Variants in DOCK2 observed in about 807,000 individuals in gnomAD.
DOCK2 encodes dedicator of cytokinesis protein 2.
DOCK2 carries 87 observed loss-of-function variants against 248.9 expected under a neutral mutation model. That is an observed-to-expected ratio of 0.35 (90% CI 0.29 to 0.42). The LOEUF is 0.42. Ranked by LOEUF, DOCK2 falls within the 10% of genes least tolerant of loss-of-function variation. The probability of loss-of-function intolerance (pLI) is 1.00; values close to 1 mark genes in which losing one functional copy is unlikely to be tolerated. For missense variants in DOCK2, 1,747 were observed against 2,300.2 expected, an observed-to-expected ratio of 0.76 and a Z score of 4.92; for synonymous variants, 805 against 821.6, an observed-to-expected ratio of 0.98 and a Z score of 0.35.
Position 169,864,087 on chromosome 5 carries a change from C to T in DOCK2, c.2799+23235C>T, listed in dbSNP as rs1771378949. 2.0e-5 allele frequency among the ~76,000 whole-genome samples: 3 copies of T among 152,174 alleles called. No homozygotes were observed. In the South Asian group the frequency reaches 6.2e-4, roughly 32 times the overall value. ...CCCTCAGCAAGCAGTCGCACGCACT[C>T]AGGTAAGGATCGTGGTCAGGTGTCC... On this transcript the variant is annotated intron_variant, in intron 27 of 51. Transcript: ENST00000520908.
At chr5:170,018,039 TGAG>T (rs1477024538) in intron 32 of DOCK2, among the ~76,000 whole-genome samples, 15 of 152,322 alleles carry the variant, frequency 9.8e-5, no homozygotes, top group South Asian at 2.1e-4. Flanking sequence ...ATAGACACAA[TGAG>T]GAGAACAGAC....
intron 24 of DOCK2, 23 bp from the exon 25 acceptor site, chr5:169,761,496 G>A: frequency 1.9e-6 from 3 of 1,596,980 alleles, no homozygotes; most frequent in Non-Finnish European, 2.6e-6. Context: ...TGCTCTACCA[G>A]CTCCTATTTT....
chr5:169,920,567 A>G (rs909047642), intron 27 of DOCK2, among the ~76,000 whole-genome samples: 1 of 152,146 alleles, frequency 6.6e-6, no homozygotes, highest in Admixed American at 6.5e-5. Flanking sequence ...CACATCACTT[A>G]TTGAATAACT....
At chr5:170,053,196 G>A (rs187220918) in intron 41 of DOCK2, among the ~76,000 whole-genome samples, 1 of 152,324 alleles carries the variant, frequency 6.6e-6, no homozygotes, top group East Asian at 1.9e-4. Context: ...GCTTCCCTAG[G>A]ACAGATTTGG....
At chr5:169,770,791 A>G (rs768720352) in intron 25 of DOCK2, among the ~76,000 whole-genome samples, 5 of 152,166 alleles carry the variant, frequency 3.3e-5, no homozygotes, top group Non-Finnish European at 5.9e-5. Flanking sequence ...GCTGGAGTTC[A>G]TTGTTTTGAT....
At chr5:169,848,925 A>T (rs1285329140) in intron 27 of DOCK2, among the ~76,000 whole-genome samples, 1 of 152,150 alleles carries the variant, frequency 6.6e-6, no homozygotes, top group African/African-American at 2.4e-5. Flanking sequence ...CTCTGACTTC[A>T]CTTTTCACTC....
intron 30 of DOCK2, among the ~76,000 whole-genome samples, chr5:170,005,281 G>C (rs994174970): frequency 2.0e-5 from 3 of 152,076 alleles, no homozygotes; most frequent in Non-Finnish European, 4.4e-5. Flanking sequence ...AAAAATCTGG[G>C]ACCTTTTGAA....
chr5:170,025,213 T>C (rs755868676), intron 33 of DOCK2, among the ~76,000 whole-genome samples: 41 of 152,276 alleles, frequency 2.7e-4, no homozygotes, highest in Non-Finnish European at 4.3e-4. Context: ...ACTACTGTTA[T>C]GCCCATTGTA....
At chr5:169,745,626 C>T (rs1763569870) in intron 22 of DOCK2, among the ~76,000 whole-genome samples, 1 of 152,156 alleles carries the variant, frequency 6.6e-6, no homozygotes, top group Admixed American at 6.5e-5. Flanking sequence ...TGTTTTCTGG[C>T]ATGTTGCGTG....
intron 44 of DOCK2, among the ~76,000 whole-genome samples, chr5:170,064,056 G>A (rs1757415844): frequency 6.6e-6 from 1 of 152,018 alleles, no homozygotes; most frequent in Non-Finnish European, 1.5e-5. Flanking sequence ...AAACTATAGG[G>A]GTCTACAAAA....
chr5:169,842,720 G>A (rs1233424843), intron 27 of DOCK2, among the ~76,000 whole-genome samples: 1 of 152,172 alleles, frequency 6.6e-6, no homozygotes, highest in Non-Finnish European at 1.5e-5. Flanking sequence ...CTGTAGAACA[G>A]TGATTCTTTT....
intron 26 of DOCK2, among the ~76,000 whole-genome samples, chr5:169,805,345 T>A (rs899465724): frequency 1.3e-5 from 2 of 152,066 alleles, no homozygotes; most frequent in Admixed American, 6.5e-5. Flanking sequence ...AAGGTTTCCA[T>A]GAGCTATGAT....
intron 26 of DOCK2, among the ~76,000 whole-genome samples, chr5:169,810,369 C>T (rs892508827): frequency 2.0e-5 from 3 of 152,110 alleles, no homozygotes; most frequent in Non-Finnish European, 4.4e-5. Flanking sequence ...TGTGTATATG[C>T]GTGTGCATTT....
intron 30 of DOCK2, among the ~76,000 whole-genome samples, chr5:170,000,806 C>G (rs1411007645): frequency 6.6e-6 from 1 of 152,168 alleles, no homozygotes; most frequent in Admixed American, 6.5e-5. Context: ...CCAGCCTATC[C>G]TGGGAACCAG....
At chr5:170,057,772 G>C in intron 44 of DOCK2, 106 bp downstream of exon 44, 4 of 997,668 alleles carry the variant, frequency 4.0e-6, no homozygotes, top group Non-Finnish European at 5.7e-6. Flanking sequence ...GTTTTTCTTT[G>C]AAGCTGCTGT....
intron 27 of DOCK2, among the ~76,000 whole-genome samples, chr5:169,953,662 G>A (rs1228161240): frequency 6.6e-6 from 1 of 152,192 alleles, no homozygotes; most frequent in Non-Finnish European, 1.5e-5. Context: ...GCAAGTAGTG[G>A]TAGAGCCAGC....
intron 25 of DOCK2, chr5:169,773,223 T>G (rs1561681778): frequency 6.6e-6 from 1 of 152,206 alleles, no homozygotes; most frequent in Non-Finnish European, 1.5e-5. Flanking sequence ...TTTAATGTGC[T>G]GCAGAACAAG....
chr5:169,964,227 C>T (rs567419456), intron 27 of DOCK2, among the ~76,000 whole-genome samples: 31 of 152,246 alleles, frequency 2.0e-4, no homozygotes, highest in African/African-American at 7.2e-4. Flanking sequence ...TCCTCGGTGA[C>T]CACAGGCCTT....
chr5:169,841,549 C>A, intron 27 of DOCK2: 1 of 752,664 alleles, frequency 1.3e-6, no homozygotes, highest in Non-Finnish European at 1.6e-6. Flanking sequence ...TTGTCCATCT[C>A]ACTCAGAATA....
Sources: gnomAD v4.1 joint callset for allele counts (sites outside exome capture counted in the v4.1 genomes callset) on GRCh38, gnomAD v4.1.1 for gene constraint, MANE v1.5 for transcripts, NCBI Gene and HGNC (gene_info 2026-07-23, HGNC 2026-07-21) for gene names.